Variants in ABCG2 observed in about 807,000 individuals in gnomAD.
ABCG2 encodes the protein ATP binding cassette subfamily G member 2 (JR blood group), also known as broad substrate specificity ATP-binding cassette transporter ABCG2.
In ABCG2, 80 loss-of-function variants were observed where a neutral mutation model predicts 73.5. That is an observed-to-expected ratio of 1.09 (90% CI 0.91 to 1.31). ABCG2 has a LOEUF of 1.31. Among genes scored for constraint, ABCG2 ranks in the 50% most tolerant of loss-of-function variants. ABCG2 has a pLI of 0.00. For missense variants in ABCG2, 796 were observed against 786.2 expected (o/e 1.01, Z -0.15); for synonymous variants, 269 against 282.4 (o/e 0.95, Z 0.48).
At chr4:88,162,738 A>G (rs1308649574), upstream of ABCG2, among the ~76,000 whole-genome samples, 1 of 152,224 alleles carries the variant, frequency 6.6e-6, no homozygotes, top group Non-Finnish European at 1.5e-5. Flanking sequence ...TCATTAGGTC[A>G]GATGTTAGAT....
chr4:88,184,380 C>G (rs1424232907), intron 1 of ABCG2, among the ~76,000 whole-genome samples: 1 of 151,978 alleles, frequency 6.6e-6, no homozygotes, highest in Non-Finnish European at 1.5e-5. Context: ...AATCAACATA[C>G]AAAAAATCAG....
intron 2 of ABCG2, among the ~76,000 whole-genome samples, chr4:88,132,841 G>C (rs1167055770): frequency 3.3e-5 from 5 of 151,976 alleles, no homozygotes; most frequent in Admixed American, 6.6e-5. Context: ...GGAGACCAAA[G>C]CAGGATTGCC....
chr4:88,177,566 T>C (rs1306975307), intron 1 of ABCG2, among the ~76,000 whole-genome samples: 1 of 152,064 alleles, frequency 6.6e-6, no homozygotes, highest in Admixed American at 6.6e-5. Context: ...GAACACCAAA[T>C]TGAACCACTA....
intron 1 of ABCG2, among the ~76,000 whole-genome samples, chr4:88,176,555 ACTACAGCCCCAACCT>A (rs1161744747): frequency 7.2e-6 from 1 of 139,534 alleles, no homozygotes; most frequent in African/African-American, 2.7e-5. Context: ...GTTACAGCAC[ACTACAGCCCCAACCT>A]CCTGGACTCA....
chr4:88,151,745 A>C (rs1433835024), intron 1 of ABCG2, among the ~76,000 whole-genome samples: 1 of 152,064 alleles, frequency 6.6e-6, no homozygotes, highest in African/African-American at 2.4e-5. Flanking sequence ...TCTCAAAAAA[A>C]AAAAAAAAGA....
At chr4:88,137,904 C>CA (rs1445843603) in intron 2 of ABCG2, among the ~76,000 whole-genome samples, 1 of 152,166 alleles carries the variant, frequency 6.6e-6, no homozygotes, top group Non-Finnish European at 1.5e-5. Flanking sequence ...CTTATAACCC[C>CA]AGTGCTTTGG....
intron 15 of ABCG2, among the ~76,000 whole-genome samples, chr4:88,093,713 A>G (rs2110169391): frequency 6.6e-6 from 1 of 152,258 alleles, no homozygotes; most frequent in Middle Eastern, 3.4e-3. Flanking sequence ...TGGACAATTC[A>G]AAAGAGTAAT....
intron 1 of ABCG2, among the ~76,000 whole-genome samples, chr4:88,169,585 A>G (rs1413880164): frequency 2.0e-5 from 3 of 152,174 alleles, no homozygotes. Flanking sequence ...CCCATCATCC[A>G]CAAGTATGGC....
intron 1 of ABCG2, among the ~76,000 whole-genome samples, chr4:88,221,361 C>T (rs1035003242): frequency 1.1e-4 from 17 of 152,100 alleles, no homozygotes; most frequent in East Asian, 3.9e-4. Flanking sequence ...AAATTGGTAC[C>T]GCAGAGAGTG....
At chr4:88,218,846 TG>T (rs1428629152) in intron 1 of ABCG2, among the ~76,000 whole-genome samples, 1 of 152,220 alleles carries the variant, frequency 6.6e-6, no homozygotes, top group Admixed American at 6.5e-5. Flanking sequence ...ATTGGTTGGT[TG>T]GTAAACTTTT....
chr4:88,120,035 G>A (rs1386975278), intron 6 of ABCG2, among the ~76,000 whole-genome samples: 1 of 152,232 alleles, frequency 6.6e-6, no homozygotes, highest in South Asian at 2.1e-4. Context: ...GGCCTAGGAG[G>A]AAAAAATGGT....
chr4:88,224,299 G>A (rs541716625), intron 1 of ABCG2, among the ~76,000 whole-genome samples: 37 of 152,196 alleles, frequency 2.4e-4, no homozygotes, highest in African/African-American at 8.7e-4. Flanking sequence ...TTATCTGGGT[G>A]TGGTGGTGGG....
intron 9 of ABCG2, among the ~76,000 whole-genome samples, chr4:88,108,367 A>AC (rs1553932500): frequency 2.7e-5 from 4 of 150,882 alleles, no homozygotes; most frequent in African/African-American, 9.7e-5. Flanking sequence ...ACTAAAAAAA[A>AC]ACACACACAA....
intron 1 of ABCG2, among the ~76,000 whole-genome samples, chr4:88,148,736 C>T (rs960024425): frequency 6.6e-6 from 1 of 152,076 alleles, no homozygotes; most frequent in African/African-American, 2.4e-5. Context: ...TTATTGGAAA[C>T]CCGTCAACAG....
chr4:88,158,286 C>T, intron 1 of ABCG2, 100 bp downstream of exon 1: 1 of 330,932 alleles, frequency 3.0e-6, no homozygotes. Flanking sequence ...TCAGTCGTCT[C>T]GTTTGAACGG....
At chr4:88,190,924 A>T (rs1303004436) in intron 1 of ABCG2, among the ~76,000 whole-genome samples, 2 of 152,020 alleles carry the variant, frequency 1.3e-5, no homozygotes, top group Non-Finnish European at 2.9e-5. Context: ...ATACCAAAAC[A>T]AATAACTCAG....
At chr4:88,121,929 C>T (rs921928922) in intron 5 of ABCG2, 137 bp from the exon 6 acceptor site, 1 of 834,562 alleles carries the variant, frequency 1.2e-6, no homozygotes, top group African/African-American at 1.7e-5. Flanking sequence ...TAAGTGGATA[C>T]CTGGTAGAAA....
At chr4:88,210,075 T>A (rs1416967756) in intron 1 of ABCG2, among the ~76,000 whole-genome samples, 2 of 152,160 alleles carry the variant, frequency 1.3e-5, no homozygotes, top group Non-Finnish European at 2.9e-5. Context: ...TATTACCTTG[T>A]GGGTATTCCT....
intron 1 of ABCG2, among the ~76,000 whole-genome samples, chr4:88,204,458 C>T (rs1729303015): frequency 6.6e-6 from 1 of 152,022 alleles, no homozygotes; most frequent in African/African-American, 2.4e-5. Flanking sequence ...GAATTCAAGC[C>T]AGGCAGTTGT....
Sources: allele counts gnomAD v4.1 joint callset (sites outside exome capture counted in the v4.1 genomes callset), GRCh38; gene constraint gnomAD v4.1.1; transcripts MANE v1.5; gene names NCBI Gene and HGNC (gene_info 2026-07-23, HGNC 2026-07-21).